Variants in TRHDE observed in about 807,000 individuals in gnomAD.
TRHDE encodes the protein thyrotropin-releasing hormone-degrading ectoenzyme.
A neutral mutation model predicts 125.7 loss-of-function variants in TRHDE; 72 were observed. The ratio of observed to expected loss-of-function variants is 0.57; its 90% CI spans 0.47 to 0.70. The LOEUF is 0.70. TRHDE is among the 30% of genes least tolerant of loss of function. The pLI is 0.00. For missense variants in TRHDE, 1,110 were observed against 1,327.1 expected (o/e 0.84, Z 2.54); for synonymous variants, 509 against 509.1 (o/e 1.00, Z 0.00).
chr12:72,249,555 A>G (rs573478664), intron 2 of TRHDE, among the ~76,000 whole-genome samples: 2 of 152,330 alleles, frequency 1.3e-5, no homozygotes, highest in South Asian at 4.1e-4. Flanking sequence ...GTAAGCACAT[A>G]CAAAGATGTG....
intron 5 of TRHDE, among the ~76,000 whole-genome samples, chr12:72,494,685 G>T (rs1391606317): frequency 6.6e-6 from 1 of 152,006 alleles, no homozygotes; most frequent in Non-Finnish European, 1.5e-5. Context: ...TCAGGCAGAA[G>T]CCATTACAAG....
intron 2 of TRHDE, among the ~76,000 whole-genome samples, chr12:72,168,350 T>G (rs1028043871): frequency 3.9e-5 from 6 of 152,214 alleles, no homozygotes; most frequent in African/African-American, 1.4e-4. Context: ...TGTGATAGAT[T>G]TATTATTAAT....
intron 4 of TRHDE, among the ~76,000 whole-genome samples, chr12:72,470,863 C>CTTTTTTTTTTT (rs768937293): frequency 1.3e-4 from 9 of 67,930 alleles, no homozygotes; most frequent in South Asian, 5.9e-4. Flanking sequence ...TAAATGTCAG[C>CTTTTTTTTTTT]TTTTTTTTTT....
chr12:72,576,040 T>C (rs1383134894), intron 12 of TRHDE, among the ~76,000 whole-genome samples: 1 of 152,142 alleles, frequency 6.6e-6, no homozygotes, highest in Admixed American at 6.6e-5. Context: ...TTAGTTGTAC[T>C]ATAGTAATAT....
At chr12:72,628,278 C>T (rs1383819252) in intron 15 of TRHDE, among the ~76,000 whole-genome samples, 1 of 151,766 alleles carries the variant, frequency 6.6e-6, no homozygotes, top group African/African-American at 2.4e-5. Context: ...GACAATTTGA[C>T]CTGTCAGTAA....
At chr12:72,339,768 C>A (rs1250712070) in intron 2 of TRHDE, among the ~76,000 whole-genome samples, 2 of 152,144 alleles carry the variant, frequency 1.3e-5, no homozygotes, top group Non-Finnish European at 2.9e-5. Context: ...ATGGTGGATA[C>A]TCTGGTGCTC....
intron 1 of TRHDE, among the ~76,000 whole-genome samples, chr12:72,284,218 C>A (rs925442437): frequency 2.6e-5 from 4 of 152,040 alleles, no homozygotes; most frequent in Non-Finnish European, 5.9e-5. Context: ...TGGTCCAAAG[C>A]ATTTCAGATA....
At chr12:72,091,762 C>T (rs564051178) in intron 1 of TRHDE, among the ~76,000 whole-genome samples, 4 of 152,272 alleles carry the variant, frequency 2.6e-5, no homozygotes, top group Middle Eastern at 3.4e-3. Context: ...AGGGCAGTCA[C>T]GACCCAGGCA....
At chr12:72,128,017 A>G (rs1875765130) in intron 2 of TRHDE, among the ~76,000 whole-genome samples, 1 of 152,112 alleles carries the variant, frequency 6.6e-6, no homozygotes, top group African/African-American at 2.4e-5. Flanking sequence ...GAGCTGCAAA[A>G]AAAACAGAAC....
intron 12 of TRHDE, among the ~76,000 whole-genome samples, chr12:72,577,662 C>T (rs74105915): frequency 0.014 from 2,075 of 152,232 alleles, 49 homozygotes; most frequent in African/African-American, 0.047. Context: ...TCTGTTGACT[C>T]ATCTGCATTA....
At chr12:72,459,421 G>T (rs1048724405) in intron 3 of TRHDE, among the ~76,000 whole-genome samples, 1 of 152,084 alleles carries the variant, frequency 6.6e-6, no homozygotes, top group South Asian at 2.1e-4. Context: ...CACTTGCTAG[G>T]TACTGTTCTA....
At chr12:72,509,520 C>T (rs1208234642) in intron 6 of TRHDE, among the ~76,000 whole-genome samples, 1 of 152,130 alleles carries the variant, frequency 6.6e-6, no homozygotes, top group East Asian at 1.9e-4. Context: ...TGGCCTTTCT[C>T]GTTGTAGGAA....
chr12:72,604,930 T>C (rs1872370098), intron 12 of TRHDE, among the ~76,000 whole-genome samples: 6 of 152,108 alleles, frequency 3.9e-5, no homozygotes, highest in Admixed American at 3.3e-4. Flanking sequence ...AACATCATTA[T>C]CATTACTTTT....
At chr12:72,274,367 T>C (rs1314535155) in intron 1 of TRHDE, 2 of 152,196 alleles carry the variant, frequency 1.3e-5, no homozygotes, top group Non-Finnish European at 2.9e-5. Flanking sequence ...TTTACATTTG[T>C]GTAGTTTTGT....
At chr12:72,185,280 C>T (rs920673621) in intron 2 of TRHDE, among the ~76,000 whole-genome samples, 1 of 152,218 alleles carries the variant, frequency 6.6e-6, no homozygotes, top group Non-Finnish European at 1.5e-5. Context: ...GCTGGCTTCC[C>T]GCGGGGCAGG....
intron 2 of TRHDE, among the ~76,000 whole-genome samples, chr12:72,374,106 G>A (rs1255142427): frequency 6.6e-6 from 1 of 152,144 alleles, no homozygotes; most frequent in African/African-American, 2.4e-5. Context: ...GTGGGGTTGT[G>A]AGAAGTGGTT....
intron 15 of TRHDE, among the ~76,000 whole-genome samples, chr12:72,643,114 C>A (rs1210999942): frequency 6.6e-6 from 1 of 152,088 alleles, no homozygotes; most frequent in South Asian, 2.1e-4. Flanking sequence ...GATTCATCTG[C>A]TGCATGGATA....
At chr12:72,383,606 A>C (rs1872282611) in intron 3 of TRHDE, among the ~76,000 whole-genome samples, 4 of 151,516 alleles carry the variant, frequency 2.6e-5, no homozygotes, top group Admixed American at 2.6e-4. Flanking sequence ...CAAACTCCTG[A>C]CCTCAGGTGA....
Position 72,492,002 on chromosome 12 carries a change from C to T in TRHDE, c.1585-7496C>T, listed in dbSNP as rs1877706027. On this transcript the variant is annotated intron_variant, in intron 5 of 18. Coordinates refer to ENST00000261180, the MANE Select transcript of TRHDE (RefSeq NM_013381.3). ...AAACTTTTCAGTAGAATGCTTGTTTCATTGTAGGCATTAGTGGTGATTATT... is the reference window on the plus strand; with the variant it reads ...AAACTTTTCAGTAGAATGCTTGTTTTATTGTAGGCATTAGTGGTGATTATT... Among the ~76,000 whole-genome samples the T allele has an allele frequency of 2.0e-5, 3 of 151,918 alleles. No homozygotes were observed. The South Asian group carries it at 6.2e-4, about 31-fold the overall frequency.
Sources: allele counts gnomAD v4.1 joint callset (sites outside exome capture counted in the v4.1 genomes callset), GRCh38; gene constraint gnomAD v4.1.1; transcripts MANE v1.5; gene names NCBI Gene and HGNC (gene_info 2026-07-23, HGNC 2026-07-21).